The following VAV3 variants were observed in gnomAD, a reference collection of about 807,000 sequenced individuals.
The protein encoded by VAV3 is guanine nucleotide exchange factor VAV3.
A neutral mutation model predicts 131.2 loss-of-function variants in VAV3; 94 were observed. The observed-to-expected ratio is 0.72, with a 90% CI of 0.61 to 0.85. The LOEUF is 0.85. VAV3 is among the 40% of genes least tolerant of loss of function. The probability of loss-of-function intolerance (pLI) is 0.00; values close to 1 mark genes in which losing one functional copy is unlikely to be tolerated. For missense variants in VAV3, 939 were observed against 1,002.7 expected (o/e 0.94, Z 0.86); for synonymous variants, 349 against 342.0 (o/e 1.02, Z -0.22).
chr1:107,805,978 G>C (rs927945052), intron 2 of VAV3, among the ~76,000 whole-genome samples: 1 of 152,086 alleles, frequency 6.6e-6, no homozygotes, highest in Admixed American at 6.6e-5. Flanking sequence ...GCTGGCTCAG[G>C]GTTTGTGCCC....
At chr1:107,642,019 T>C (rs1308994060) in intron 20 of VAV3, among the ~76,000 whole-genome samples, 1 of 152,198 alleles carries the variant, frequency 6.6e-6, no homozygotes, top group African/African-American at 2.4e-5. Context: ...GTCATTTTTC[T>C]TTAAGCAGTA....
intron 12 of VAV3, 48 bp downstream of exon 12, chr1:107,755,379 C>T (rs72979653): frequency 1.1e-5 from 14 of 1,322,842 alleles, no homozygotes; most frequent in Non-Finnish European, 1.5e-5. Context: ...CCTAGAATGT[C>T]GTTGATGTGG....
intron 4 of VAV3, among the ~76,000 whole-genome samples, chr1:107,775,577 CAAAAAA>C (rs34775096): frequency 3.5e-5 from 2 of 56,442 alleles, no homozygotes; most frequent in Non-Finnish European, 5.8e-5. Context: ...GACTCAGTCA[CAAAAAA>C]AAAAAAAAAA....
intron 1 of VAV3, among the ~76,000 whole-genome samples, chr1:107,926,924 AG>A (rs1198861600): frequency 6.6e-6 from 1 of 152,118 alleles, no homozygotes; most frequent in Non-Finnish European, 1.5e-5. Flanking sequence ...GCTCAGAGCC[AG>A]GGGACTGTGG....
At chr1:107,581,647 A>G (rs1396554825) in intron 25 of VAV3, among the ~76,000 whole-genome samples, 2 of 152,218 alleles carry the variant, frequency 1.3e-5, no homozygotes, top group East Asian at 3.8e-4. Context: ...AAGAATGCCA[A>G]TTAAAAAGAA....
At chr1:107,823,903 CA>C (rs1253417809) in intron 2 of VAV3, among the ~76,000 whole-genome samples, 2 of 152,142 alleles carry the variant, frequency 1.3e-5, no homozygotes, top group African/African-American at 2.4e-5. Flanking sequence ...GACAGCTCTC[CA>C]AGAAACCAAT....
At chr1:107,594,758 T>C (rs1651239293) in intron 25 of VAV3, among the ~76,000 whole-genome samples, 1 of 152,036 alleles carries the variant, frequency 6.6e-6, no homozygotes, top group African/African-American at 2.4e-5. Context: ...TGGCTGGGAG[T>C]GAACCACAGA....
chr1:107,841,543 T>G (rs1668710347), intron 2 of VAV3, among the ~76,000 whole-genome samples: 1 of 152,076 alleles, frequency 6.6e-6, no homozygotes, highest in Non-Finnish European at 1.5e-5. Flanking sequence ...GTGCCATAGA[T>G]CAAGCTATAA....
At chr1:107,733,855 G>C (rs779279338) in intron 15 of VAV3, among the ~76,000 whole-genome samples, 1 of 152,092 alleles carries the variant, frequency 6.6e-6, no homozygotes, top group Non-Finnish European at 1.5e-5. Context: ...AACCTAACAA[G>C]GCAGGCCAAC....
chr1:107,613,478 T>C (rs1044724808), intron 21 of VAV3, among the ~76,000 whole-genome samples: 2 of 152,148 alleles, frequency 1.3e-5, no homozygotes, highest in African/African-American at 4.8e-5. Context: ...TGATATGCCA[T>C]GTAATATGTC....
chr1:107,662,076 G>A (rs1657060160), intron 19 of VAV3, among the ~76,000 whole-genome samples: 1 of 152,100 alleles, frequency 6.6e-6, no homozygotes, highest in Admixed American at 6.6e-5. Flanking sequence ...TGTTTACATG[G>A]CATAGACCTA....
intron 15 of VAV3, among the ~76,000 whole-genome samples, chr1:107,709,238 T>C (rs1368217023): frequency 6.6e-6 from 1 of 152,174 alleles, no homozygotes. Flanking sequence ...CATCTTCTCC[T>C]TCTTACCAGT....
chr1:107,859,992 G>T (rs1417863426), intron 2 of VAV3, among the ~76,000 whole-genome samples: 1 of 152,080 alleles, frequency 6.6e-6, no homozygotes, highest in Non-Finnish European at 1.5e-5. Flanking sequence ...TATTTTGACG[G>T]CTGTACCATT....
At chr1:107,879,868 A>G (rs1440069381) in intron 1 of VAV3, among the ~76,000 whole-genome samples, 1 of 152,224 alleles carries the variant, frequency 6.6e-6, no homozygotes, top group Non-Finnish European at 1.5e-5. Flanking sequence ...CCAAGTAAGG[A>G]TACACAAAAG....
intron 18 of VAV3, among the ~76,000 whole-genome samples, chr1:107,685,031 T>G (rs1658920194): frequency 6.6e-6 from 1 of 152,170 alleles, no homozygotes. Flanking sequence ...TTTCTACTGA[T>G]TTTATACCTG....
At position 107,952,468 on chromosome 1, in the gene VAV3, T is replaced by TTTATATATATATATATATATATATATATA. The variant is rs1553235441; in HGVS notation, c.204+12197_204+12198insTATATATATATATATATATATATATATAA. Among the ~76,000 whole-genome samples, 19 of 118,978 alleles carry TTTATATATATATATATATATATATATATA rather than the reference T, an allele frequency of 1.6e-4. 1 individual carries two copies. Among genetic ancestry groups the TTTATATATATATATATATATATATATATA allele is most frequent in the African/African-American group, 6.0e-4 (17 of 28,204 alleles). 78.1% of individuals were successfully genotyped at this position (118,978 alleles called of 152,430 possible). A position where few individuals can be genotyped will look rare whatever the true frequency, so the allele number is the denominator to read the frequency against. On this transcript the variant is annotated intron_variant, in intron 1 of 26. Coordinates refer to ENST00000370056, the MANE Select transcript of VAV3 (RefSeq NM_006113.5). ...TGTGCCCCGAACTTATAACAAAACT[T>TTTATATATATATATATATATATATATATA]TATATATATATATATATACACACAT...
intron 19 of VAV3, chr1:107,668,599 A>G: frequency 4.1e-6 from 4 of 979,728 alleles, no homozygotes; most frequent in Non-Finnish European, 4.9e-6. Flanking sequence ...ATGGAGTACA[A>G]TGAAATGTGT....
chr1:107,714,702 C>T (rs1570807995), intron 15 of VAV3, among the ~76,000 whole-genome samples: 2 of 151,938 alleles, frequency 1.3e-5, no homozygotes, highest in South Asian at 2.1e-4. Context: ...GAAAAACAAA[C>T]GGGTCCTTCA....
chr1:107,964,916 T>TGGGGCGG lies in VAV3; in HGVS notation c.-48_-47insCCGCCCC. On this transcript the variant is annotated 5_prime_UTR_variant, in exon 1 of 27. Coordinates refer to ENST00000370056, the MANE Select transcript of VAV3 (RefSeq NM_006113.5). ...GCTGGGCCGGGGCGGGCGGCAAGGA[T>TGGGGCGG]GCGGCCGCCGCCGCCGCCGCCGCGG... is the stretch of plus-strand genomic sequence containing the variant. 8.4e-7 allele frequency: 1 copy of TGGGGCGG among 1,192,118 alleles called. No homozygotes were observed. 73.8% of individuals were successfully genotyped at this position (1,192,118 alleles called of 1,614,324 possible).
Sources: gnomAD v4.1 joint callset for allele counts (sites outside exome capture counted in the v4.1 genomes callset) on GRCh38, gnomAD v4.1.1 for gene constraint, MANE v1.5 for transcripts, NCBI Gene and HGNC (gene_info 2026-07-23, HGNC 2026-07-21) for gene names.